The following WWOX variants were observed in gnomAD, a reference collection of about 807,000 sequenced individuals.
The protein encoded by WWOX is WW domain containing oxidoreductase, also known as WW domain-containing oxidoreductase.
Under a neutral mutation model 46.2 loss-of-function variants are expected in WWOX, and 69 were observed. That is an observed-to-expected ratio of 1.49 (90% confidence interval 1.23 to 1.82). The LOEUF (loss-of-function observed/expected upper bound fraction) is 1.82, where lower values mean the gene tolerates loss of function less well. WWOX is among the 40% of genes most tolerant of loss of function. The pLI is 0.00. For synonymous variants in WWOX, 359 were observed against 202.6 expected (o/e 1.77, Z -6.56); for missense variants, 919 against 542.6 (o/e 1.69, Z -6.89).
intron 8 of WWOX, among the ~76,000 whole-genome samples, chr16:78,587,216 T>TTTTTTTTTTTTTTTTTG (rs2045230607): frequency 3.7e-5 from 5 of 135,066 alleles, no homozygotes; most frequent in African/African-American, 1.5e-4. Flanking sequence ...TTTTTTTTTT[T>TTTTTTTTTTTTTTTTTG]GTAGAAACAG....
At chr16:78,807,584 C>T (rs1309965150) in intron 8 of WWOX, among the ~76,000 whole-genome samples, 1 of 152,164 alleles carries the variant, frequency 6.6e-6, no homozygotes, top group African/African-American at 2.4e-5. Context: ...TGTGGAGTGC[C>T]ATGGGATGAA....
chr16:78,683,732 G>A (rs1007637628), intron 8 of WWOX, among the ~76,000 whole-genome samples: 3 of 152,044 alleles, frequency 2.0e-5, no homozygotes, highest in African/African-American at 7.2e-5. Flanking sequence ...ATAAGTTGTG[G>A]TCTTCAGGGA....
intron 8 of WWOX, among the ~76,000 whole-genome samples, chr16:78,504,818 C>G (rs1408170188): frequency 6.6e-6 from 1 of 152,050 alleles, no homozygotes; most frequent in African/African-American, 2.4e-5. Flanking sequence ...GCTCAGGGCT[C>G]TCTGTGGTAG....
intron 8 of WWOX, among the ~76,000 whole-genome samples, chr16:79,080,746 C>T (rs552626080): frequency 1.3e-5 from 2 of 152,212 alleles, no homozygotes; most frequent in African/African-American, 2.4e-5. Flanking sequence ...GTGGGAGGAT[C>T]GCTTGAAGCC....
chr16:78,156,324 A>G (rs1176344694), intron 4 of WWOX, among the ~76,000 whole-genome samples: 2 of 152,204 alleles, frequency 1.3e-5, no homozygotes, highest in African/African-American at 4.8e-5. Context: ...ATAAAATTTG[A>G]TAGAAAAACG....
intron 8 of WWOX, among the ~76,000 whole-genome samples, chr16:78,522,158 A>AT (rs985397830): frequency 6.6e-6 from 1 of 151,858 alleles, no homozygotes; most frequent in Non-Finnish European, 1.5e-5. Context: ...AAAAAAAAAA[A>AT]AAACTTCAGA....
chr16:78,326,397 A>G (rs1282278739), intron 5 of WWOX, among the ~76,000 whole-genome samples: 2 of 152,146 alleles, frequency 1.3e-5, no homozygotes, highest in African/African-American at 4.8e-5. Flanking sequence ...TACTTAGGAA[A>G]ATGCCAGGTT....
chr16:79,038,689 A>G (rs2656617), intron 8 of WWOX, among the ~76,000 whole-genome samples: 23,470 of 152,004 alleles, frequency 0.15, 2,057 homozygotes, highest in East Asian at 0.24. Context: ...AGCTGGGATT[A>G]CAGGCACCCA....
At chr16:78,855,624 C>T (rs571343992) in intron 8 of WWOX, among the ~76,000 whole-genome samples, 1 of 152,266 alleles carries the variant, frequency 6.6e-6, no homozygotes, top group African/African-American at 2.4e-5. Context: ...TAGAGCTAAC[C>T]GAAGAGGGAA....
At position 78,646,570 on chromosome 16, in the gene WWOX, C is replaced by T. The variant is rs543386855; in HGVS notation, c.1056+213818C>T. Among the ~76,000 whole-genome samples, 9 of 152,100 alleles carry T rather than the reference C, an allele frequency of 5.9e-5. No individual in the cohort carries two copies. In the South Asian group the frequency reaches 1.7e-3, roughly 28 times the overall value. ...AGCCTCTCTGGTAGCTGGAATTACA[C>T]GTATGTACCACTACTCCCGGCTAAT... On this transcript the variant is annotated intron_variant, in intron 8 of 8. Coordinates refer to ENST00000566780, the MANE Select transcript of WWOX (RefSeq NM_016373.4).
chr16:78,790,475 C>T (rs970929723), intron 8 of WWOX, among the ~76,000 whole-genome samples: 1 of 152,118 alleles, frequency 6.6e-6, no homozygotes. Context: ...GAACTTAAAT[C>T]TCCTCTAGAA....
At chr16:79,089,655 A>T (rs1221095363) in intron 8 of WWOX, among the ~76,000 whole-genome samples, 2 of 152,146 alleles carry the variant, frequency 1.3e-5, no homozygotes, top group African/African-American at 4.8e-5. Context: ...ATACATAAAA[A>T]ACAGGAATGA....
intron 8 of WWOX, among the ~76,000 whole-genome samples, chr16:79,006,403 G>C (rs1217438227): frequency 2.6e-5 from 4 of 152,124 alleles, no homozygotes; most frequent in Non-Finnish European, 4.4e-5. Flanking sequence ...AGGGGCATGG[G>C]GTTAGCCTAA....
intron 8 of WWOX, among the ~76,000 whole-genome samples, chr16:79,172,656 A>G (rs1034816336): frequency 2.0e-5 from 3 of 152,088 alleles, no homozygotes; most frequent in Non-Finnish European, 2.9e-5. Context: ...ACAAACTGTG[A>G]GGTGTTTTTT....
chr16:78,409,258 G>A (rs1314514545), intron 6 of WWOX, among the ~76,000 whole-genome samples: 1 of 152,016 alleles, frequency 6.6e-6, no homozygotes, highest in African/African-American at 2.4e-5. Context: ...ATAAAAGGGT[G>A]AATTTCACTA....
At chr16:78,936,300 T>C (rs2045735926) in intron 8 of WWOX, among the ~76,000 whole-genome samples, 1 of 152,140 alleles carries the variant, frequency 6.6e-6, no homozygotes, top group Admixed American at 6.5e-5. Context: ...GATGGCTGCG[T>C]CCCAAGTGGT....
intron 8 of WWOX, among the ~76,000 whole-genome samples, chr16:78,604,256 C>T: frequency 6.6e-6 from 1 of 152,110 alleles, no homozygotes; most frequent in East Asian, 1.9e-4. Context: ...TCCTGGGGCA[C>T]CCTTCCTTAT....
chr16:78,538,250 G>A (rs1189139200), intron 8 of WWOX, among the ~76,000 whole-genome samples: 1 of 149,620 alleles, frequency 6.7e-6, no homozygotes, highest in Non-Finnish European at 1.5e-5. Flanking sequence ...AAAAAAAGCG[G>A]GGCAAGGGGT....
intron 6 of WWOX, among the ~76,000 whole-genome samples, chr16:78,388,235 T>C (rs796612022): frequency 9.8e-5 from 15 of 152,318 alleles, no homozygotes; most frequent in African/African-American, 3.6e-4. Context: ...TTCACCATAT[T>C]GGTCAGACTG....
Sources: gnomAD v4.1 joint callset for allele counts (sites outside exome capture counted in the v4.1 genomes callset) on GRCh38, gnomAD v4.1.1 for gene constraint, MANE v1.5 for transcripts, NCBI Gene and HGNC (gene_info 2026-07-23, HGNC 2026-07-21) for gene names.